Variants in EEF2K observed in about 807,000 individuals in gnomAD.
The protein encoded by EEF2K is eukaryotic elongation factor 2 kinase, also known as alternative protein EEF2K.
A neutral mutation model predicts 93.8 loss-of-function variants in EEF2K; 70 were observed. The observed-to-expected ratio is 0.75, with a 90% confidence interval of 0.62 to 0.91. The LOEUF (loss-of-function observed/expected upper bound fraction) is 0.91. Among genes scored for constraint, EEF2K ranks in the 40% least tolerant of loss-of-function variants. The pLI, the probability that EEF2K is intolerant of heterozygous loss-of-function variation, is 0.00. For synonymous variants in EEF2K, 376 were observed against 380.8 expected (o/e 0.99, Z 0.15); for missense variants, 935 against 972.9 (o/e 0.96, Z 0.52).
chr16:22,260,043 G>A lies in EEF2K; in HGVS notation c.1232-419G>A, dbSNP rs189121070. ...TCTGGGATTACAGGCATAAGACACC[G>A]TGCCCAGCTGAAGATGGTTTTGAAG... On this transcript the variant is annotated intron_variant, in intron 10 of 17. Coordinates refer to ENST00000263026, the MANE Select transcript of EEF2K (RefSeq NM_013302.5). 1.4e-3 allele frequency among the ~76,000 whole-genome samples: 220 copies of A among 152,262 alleles called. 1 individual carries two copies. Among genetic ancestry groups the A allele is most frequent in the Admixed American group, 3.3e-3 (50 of 15,280 alleles).
In EEF2K at chr16:22,248,778, G is replaced by A. The variant is rs999999978; in HGVS notation, c.371G>A (p.Trp124Ter). ...RHRYNAVTGE[W>*]LDDEVLIKMA... ...AGGTACAACGCCGTCACCGGGGAATGGCTGGATGATGAAGTTCTGATCAAG... is the reference window on the plus strand; with the variant it reads ...AGGTACAACGCCGTCACCGGGGAATAGCTGGATGATGAAGTTCTGATCAAG... Residue 124 changes from tryptophan to a stop codon, truncating the protein, a stop_gained, in exon 4 of 18, where the codon TGG (tryptophan) becomes TAG (stop). Coordinates refer to ENST00000263026, the MANE Select transcript of EEF2K (RefSeq NM_013302.5). LOFTEE classifies it high-confidence loss of function. 1 of 1,614,000 alleles carries A rather than the reference G, an allele frequency of 6.2e-7. No individual in the cohort carries two copies. The highest frequency in any genetic ancestry group is 8.5e-7 in the Non-Finnish European group (1 of 1,179,968).
At chr16:22,266,993 G>A in intron 15 of EEF2K, 117 bp downstream of exon 15, 2 of 1,281,342 alleles carry the variant, frequency 1.6e-6, no homozygotes, top group Non-Finnish European at 2.1e-6. Context: ...TGAGGTTTAT[G>A]CATGCCACAA....
Position 22,273,589 on chromosome 16 carries a change from T to C in EEF2K, c.1765-37T>C, listed in dbSNP as rs139326797. 5 of 1,610,594 alleles carry C rather than the reference T, an allele frequency of 3.1e-6. No individual in the cohort carries two copies. The East Asian group carries it at 6.7e-5, about 22-fold the overall frequency. The stretch of plus-strand genomic sequence containing the variant: ...GGCAGCCCTCGAGTGTAAGCCTCAT[T>C]CACTCTTCTTTCTCCCTCTTTGGTT... On this transcript the variant is annotated intron_variant, in intron 15 of 17. Transcript: ENST00000263026.
rs780893318 is a variant in EEF2K, at chr16:22,265,211, C to A, written c.1440+331C>A. 2.2e-5 allele frequency: 5 copies of A among 225,596 alleles called. No individual in the cohort carries two copies. The South Asian group carries it at 2.8e-4, about 12-fold the overall frequency. 14.0% of individuals were successfully genotyped at this position (225,596 alleles called of 1,614,324 possible). On this transcript the variant is annotated intron_variant, in intron 13 of 17. Transcript: ENST00000263026. Reference sequence around the variant, plus strand: ...TCTTGCAACCACCCAGAGAGACAGGCTAATGTGACTCTCATCCCCATTTTA... The same window carrying A: ...TCTTGCAACCACCCAGAGAGACAGGATAATGTGACTCTCATCCCCATTTTA...
chr16:22,260,175 A>G (rs570062653), intron 10 of EEF2K, among the ~76,000 whole-genome samples: 2 of 152,296 alleles, frequency 1.3e-5, no homozygotes, highest in East Asian at 1.9e-4. Context: ...ATGCTAATAA[A>G]CACATTACAA....
chr16:22,224,588 G>T (rs1303299991), intron 1 of EEF2K, among the ~76,000 whole-genome samples: 1 of 151,400 alleles, frequency 6.6e-6, no homozygotes, highest in Non-Finnish European at 1.5e-5. Context: ...GGTGAGCTAG[G>T]ATTGCACCAC....
intron 15 of EEF2K, among the ~76,000 whole-genome samples, chr16:22,272,425 G>A (rs962402815): frequency 2.6e-5 from 4 of 152,162 alleles, no homozygotes; most frequent in East Asian, 1.9e-4. Flanking sequence ...GAAAAGAGTC[G>A]CAAAGGACCA....
chr16:22,216,423 TTTTTGAGGTTGATAAGC>T (rs1449860686), intron 1 of EEF2K, among the ~76,000 whole-genome samples: 47 of 152,318 alleles, frequency 3.1e-4, no homozygotes, highest in Admixed American at 9.2e-4. Context: ...AAATTACGCC[TTTTTGAGGTTGATAAGC>T]TTTTGAGGTT....
At chr16:22,247,571 A>G (rs983719299) in intron 3 of EEF2K, among the ~76,000 whole-genome samples, 3 of 152,166 alleles carry the variant, frequency 2.0e-5, no homozygotes, top group South Asian at 4.1e-4. Context: ...AGGAAATGCT[A>G]TAACAGAGTG....
Position 22,226,517 on chromosome 16 carries a change from C to CTTTTTTTTTTTTTTTTTT in EEF2K, c.246+557_246+558insTTTTTTTTTTTTTTTTTT, listed in dbSNP as rs553013823. ...CTTTTTCTTTCTTTTCCTTCTTCTT[C>CTTTTTTTTTTTTTTTTTT]TTTTTTTTTTTTTTTATAAACGTGG... is the stretch of plus-strand genomic sequence containing the variant. On this transcript the variant is annotated intron_variant, in intron 2 of 17. Coordinates refer to ENST00000263026, the MANE Select transcript of EEF2K (RefSeq NM_013302.5). Among the ~76,000 whole-genome samples, 127 of 106,822 alleles carry CTTTTTTTTTTTTTTTTTT rather than the reference C, an allele frequency of 1.2e-3. 3 individuals are homozygous for CTTTTTTTTTTTTTTTTTT. The highest frequency in any genetic ancestry group is 1.6e-3 in the Non-Finnish European group (89 of 56,698). The allele number at this position is 106,822 out of a possible 152,430, so 70.1% of individuals were successfully genotyped here. A position where few individuals can be genotyped will look rare whatever the true frequency, so the allele number is the denominator to read the frequency against.
intron 2 of EEF2K, among the ~76,000 whole-genome samples, chr16:22,228,316 T>C (rs1052143693): frequency 5.3e-5 from 8 of 152,130 alleles, no homozygotes; most frequent in Admixed American, 1.3e-4. Flanking sequence ...CCCAAATTTG[T>C]TTACTGATTA....
chr16:22,268,654 T>G (rs1045480813), intron 15 of EEF2K, among the ~76,000 whole-genome samples: 7 of 151,756 alleles, frequency 4.6e-5, no homozygotes, highest in African/African-American at 1.7e-4. Flanking sequence ...TTTTTTAATT[T>G]TTAAATATAA....
chr16:22,273,385 A>C (rs920002589), intron 15 of EEF2K, among the ~76,000 whole-genome samples: 7 of 152,188 alleles, frequency 4.6e-5, no homozygotes, highest in Admixed American at 3.3e-4. Flanking sequence ...CATGTTGCAC[A>C]GGTGGGCGTG....
chr16:22,274,809 A>G (rs1424057552), intron 16 of EEF2K, among the ~76,000 whole-genome samples: 4 of 151,760 alleles, frequency 2.6e-5, no homozygotes, highest in African/African-American at 7.3e-5. Context: ...GGGTCTCACT[A>G]TGTTGTTCAG....
At chr16:22,218,246 G>C (rs543749872) in intron 1 of EEF2K, among the ~76,000 whole-genome samples, 1 of 152,228 alleles carries the variant, frequency 6.6e-6, no homozygotes, top group Admixed American at 6.5e-5. Flanking sequence ...AAGCTGGTGC[G>C]TGATTCCAGG....
intron 1 of EEF2K, among the ~76,000 whole-genome samples, chr16:22,207,840 C>G (rs78021178): frequency 0.017 from 2,562 of 152,122 alleles, 77 homozygotes; most frequent in African/African-American, 0.058. Context: ...GCTGAGAATG[C>G]CCACTGTGTG....
intron 1 of EEF2K, among the ~76,000 whole-genome samples, chr16:22,223,386 C>T (rs772538028): frequency 1.3e-5 from 2 of 150,448 alleles, no homozygotes; most frequent in Non-Finnish European, 2.9e-5. Flanking sequence ...TCAGGCAATT[C>T]TCTCACCTCA....
chr16:22,248,382 C>G (rs2047316095), intron 3 of EEF2K, among the ~76,000 whole-genome samples: 1 of 151,872 alleles, frequency 6.6e-6, no homozygotes, highest in African/African-American at 2.4e-5. Context: ...TATTAAGCAT[C>G]CACACACACT....
intron 1 of EEF2K, among the ~76,000 whole-genome samples, chr16:22,215,825 C>T (rs1475292930): frequency 2.0e-5 from 3 of 151,958 alleles, no homozygotes; most frequent in Admixed American, 1.3e-4. Flanking sequence ...CTCGGGAGGC[C>T]GAGGCAGAAG....
Sources: gnomAD v4.1 joint callset for allele counts (sites outside exome capture counted in the v4.1 genomes callset) on GRCh38, gnomAD v4.1.1 for gene constraint, MANE v1.5 for transcripts, NCBI Gene and HGNC (gene_info 2026-07-23, HGNC 2026-07-21) for gene names.